The following ELOA variants were observed in gnomAD, a reference collection of about 807,000 sequenced individuals.
ELOA encodes elongin A, also known as elongin-A.
A neutral mutation model predicts 85.2 loss-of-function variants in ELOA; 15 were observed. The observed-to-expected ratio is 0.18, with a 90% CI of 0.12 to 0.27. The LOEUF is 0.27. Among genes scored for constraint, ELOA ranks in the 10% least tolerant of loss-of-function variants. The pLI, the probability that ELOA is intolerant of heterozygous loss-of-function variation, is 1.00. For synonymous variants in ELOA, 348 were observed against 357.2 expected, an observed-to-expected ratio of 0.97 and a Z score of 0.29; for missense variants, 769 against 952.7, an observed-to-expected ratio of 0.81 and a Z score of 2.54.
intron 3 of ELOA, among the ~76,000 whole-genome samples, chr1:23,750,175 T>C (rs958918628): frequency 3.5e-4 from 43 of 121,982 alleles, no homozygotes; most frequent in Non-Finnish European, 5.4e-4. Flanking sequence ...CGTTTCTTTT[T>C]TTTTTTTTTT....
At chr1:23,756,842 G>A (rs1644796377) in intron 9 of ELOA, 111 bp from the exon 10 acceptor site, 1 of 1,157,430 alleles carries the variant, frequency 8.6e-7, no homozygotes, top group Non-Finnish European at 1.2e-6. Context: ...GGGTCCATTG[G>A]TCAAAGCCAC....
At position 23,758,574 on chromosome 1, in the gene ELOA, G is replaced by A. The variant is rs193025665; in HGVS notation, c.2258-938G>A. Among the ~76,000 whole-genome samples the A allele has an allele frequency of 1.0e-3, 149 of 147,494 alleles. 2 individuals are homozygous for A. The highest frequency in any genetic ancestry group is 3.6e-3 in the African/African-American group (145 of 39,794). On this transcript the variant is annotated intron_variant, in intron 10 of 10. Transcript: ENST00000613537. The stretch of plus-strand genomic sequence containing the variant: ...CAGCGTGAACCACCATGCCTGGCCG[G>A]GTCTTCCAAATATTTATTCTTTATA...
At position 23,760,087 on chromosome 1, in the gene ELOA, G is replaced by C. The variant is rs139707527; in HGVS notation, c.*514G>C. The stretch of plus-strand genomic sequence containing the variant: ...CTCCAGAGCCTGCACAGTACCTGCT[G>C]CACGTAGGGCAAGGAATGAGCACTA... On this transcript the variant is annotated 3_prime_UTR_variant, in exon 11 of 11. Coordinates refer to ENST00000613537, the MANE Select transcript of ELOA (RefSeq NM_003198.3). 0.013 allele frequency: 2,088 copies of C among 155,490 alleles called. 49 individuals carry two copies. The highest frequency in any genetic ancestry group is 0.047 in the African/African-American group (1,974 of 41,566). The allele number at this position is 155,490 out of a possible 1,614,324, so 9.6% of individuals were successfully genotyped here.
rs994087843 is a variant in ELOA at position 23,759,573 on chromosome 1, A to G, written c.2319A>G (p.Ter773=). The change falls in exon 11 of 11, where the codon TAA becomes TAG. Residue 773 remains the stop codon, a stop_retained_variant. Transcript: ENST00000613537. Reference sequence around the variant, plus strand: ...TCAAGAACAGATTCTCCCGACGATAAACTGAGGACTTGCCTTGGAAATGGA... The same window carrying G: ...TCAAGAACAGATTCTCCCGACGATAGACTGAGGACTTGCCTTGGAAATGGA... ...KAFKNRFSRR[*] 15 of 1,614,062 alleles carry G rather than the reference A, an allele frequency of 9.3e-6. No individual in the cohort carries two copies. Among genetic ancestry groups the G allele is most frequent in the Non-Finnish European group, 1.3e-5 (15 of 1,180,026 alleles).
chr1:23,744,544 C>T (rs1398420745), intron 1 of ELOA, among the ~76,000 whole-genome samples: 1 of 151,548 alleles, frequency 6.6e-6, no homozygotes, highest in Non-Finnish European at 1.5e-5. Context: ...ACCTCCGTCT[C>T]CCGGGTTCAG....
At position 23,743,513 on chromosome 1, in the gene ELOA, G is replaced by C; in HGVS notation, c.10G>C (p.Glu4Gln). The change falls in exon 1 of 11, where the codon GAG (glutamate) becomes CAG (glutamine). Residue 4 changes from glutamate to glutamine, a missense_variant. Physicochemically the swap from Glu to Gln is conservative, Grantham distance 29. Transcript: ENST00000613537. ...CGCGCCAGTGACAGCGATGGCGGCG[G>C]AGTCGGCGCTCCAAGTTGTGGAGAA... MAA[E>Q]SALQVVEKLQ... 1 of 1,504,946 alleles carries C rather than the reference G, an allele frequency of 6.6e-7. No homozygotes were observed. The highest frequency in any genetic ancestry group is 8.8e-7 in the Non-Finnish European group (1 of 1,132,198). 93.2% of individuals were successfully genotyped at this position (1,504,946 alleles called of 1,614,324 possible).
intron 1 of ELOA, among the ~76,000 whole-genome samples, chr1:23,745,473 A>G (rs1015944884): frequency 4.6e-5 from 7 of 152,240 alleles, no homozygotes; most frequent in Admixed American, 1.3e-4. Flanking sequence ...AAAATTAGGA[A>G]AAGGCTTATT....
Position 23,743,557 on chromosome 1 carries a change from C to T in ELOA, c.54C>T (p.Ala18=). 2 of 1,495,798 alleles carry T rather than the reference C, an allele frequency of 1.3e-6. No homozygotes were observed. Among genetic ancestry groups the T allele is most frequent in the South Asian group, 2.5e-5 (2 of 80,174 alleles). The allele number at this position is 1,495,798 out of a possible 1,614,324, so 92.7% of individuals were successfully genotyped here. A position where few individuals can be genotyped will look rare whatever the true frequency, so the allele number is the denominator to read the frequency against. Residue 18 remains alanine, a synonymous_variant, in exon 1 of 11, where the codon GCC becomes GCT. Coordinates refer to ENST00000613537, the MANE Select transcript of ELOA (RefSeq NM_003198.3). ...TGGAGAAGCTGCAGGCGCGCCTGGC[C>T]GCGAACCCGGACCCTAAGAAGGTAA... ...QVVEKLQARL[A]ANPDPKKLLK... is the part of the protein sequence containing the mutation.
At position 23,743,518 on chromosome 1, in the gene ELOA, G is replaced by A. The variant is rs1020081769; in HGVS notation, c.15G>A (p.Ser5=). 2.7e-6 allele frequency: 4 copies of A among 1,503,254 alleles called. No homozygotes were observed. The highest frequency in any genetic ancestry group is 2.7e-6 in the Non-Finnish European group (3 of 1,131,366). The allele number at this position is 1,503,254 out of a possible 1,614,324, so 93.1% of individuals were successfully genotyped here. Reference sequence around the variant, plus strand: ...CAGTGACAGCGATGGCGGCGGAGTCGGCGCTCCAAGTTGTGGAGAAGCTGC... The same window carrying A: ...CAGTGACAGCGATGGCGGCGGAGTCAGCGCTCCAAGTTGTGGAGAAGCTGC... MAAE[S]ALQVVEKLQA... is the part of the protein sequence containing the mutation. Residue 5 remains serine, a synonymous_variant, in exon 1 of 11, where the codon TCG becomes TCA. Coordinates refer to ENST00000613537, the MANE Select transcript of ELOA (RefSeq NM_003198.3).
intron 1 of ELOA, among the ~76,000 whole-genome samples, chr1:23,744,782 G>C (rs1644739325): frequency 6.6e-6 from 1 of 152,300 alleles, no homozygotes; most frequent in East Asian, 1.9e-4. Flanking sequence ...CTAGGAGTTG[G>C]AACTCAGTCC....
chr1:23,760,646 A>G lies in ELOA; in HGVS notation c.*1073A>G, dbSNP rs1345469404. On this transcript the variant is annotated 3_prime_UTR_variant, in exon 11 of 11. Transcript: ENST00000613537. ...TGCCTTTTATTGAAAAGGTAAGATC[A>G]TGTGATTGGAAGAACACAACTGTTG... The G allele has an allele frequency of 6.6e-6, 1 of 152,230 alleles. No homozygotes were observed. Among genetic ancestry groups the G allele is most frequent in the Non-Finnish European group, 1.5e-5 (1 of 68,068 alleles). The allele number at this position is 152,230 out of a possible 1,614,324, so 9.4% of individuals were successfully genotyped here.
chr1:23,758,192 G>T (rs1179331763), intron 10 of ELOA, among the ~76,000 whole-genome samples: 2 of 137,530 alleles, frequency 1.5e-5, no homozygotes, highest in Non-Finnish European at 3.1e-5. Flanking sequence ...TTTTTTTATA[G>T]TCTTATAACT....
At chr1:23,747,062 A>G (rs1489138540) in intron 1 of ELOA, among the ~76,000 whole-genome samples, 2 of 152,296 alleles carry the variant, frequency 1.3e-5, no homozygotes, top group African/African-American at 2.4e-5. Flanking sequence ...TTGTTCTTCC[A>G]GTTAGTGCTA....
intron 3 of ELOA, among the ~76,000 whole-genome samples, chr1:23,750,358 G>A (rs945831964): frequency 1.3e-5 from 2 of 151,922 alleles, no homozygotes; most frequent in South Asian, 2.1e-4. Flanking sequence ...TGTATTTTTA[G>A]TAGAGACAGG....
At position 23,752,536 on chromosome 1, in the gene ELOA, C is replaced by A; in HGVS notation, c.1537+18C>A. Reference sequence around the variant, plus strand: ...GCGAAAAGGTAATTTTCTATATCTTCTTTTTCTTAATGGGAAAAAGATTTA... The same window carrying A: ...GCGAAAAGGTAATTTTCTATATCTTATTTTTCTTAATGGGAAAAAGATTTA... On this transcript the variant is annotated intron_variant, in intron 5 of 10. Coordinates refer to ENST00000613537, the MANE Select transcript of ELOA (RefSeq NM_003198.3). The A allele has an allele frequency of 6.2e-7, 1 of 1,605,918 alleles. No homozygotes were observed. Among genetic ancestry groups the A allele is most frequent in the Non-Finnish European group, 8.5e-7 (1 of 1,174,928 alleles).
rs1644757904 is a variant in ELOA, at chr1:23,748,966, G to C, written c.76-55G>C. The C allele has an allele frequency of 5.6e-6, 8 of 1,438,236 alleles. No individual in the cohort carries two copies. In the South Asian group the frequency reaches 9.2e-5, roughly 16 times the overall value. 89.1% of individuals were successfully genotyped at this position (1,438,236 alleles called of 1,614,324 possible). The stretch of plus-strand genomic sequence containing the variant: ...GTTAGCACTAAGCACTTAATAATCA[G>C]ATATTCTTGTTAAAGTGAATTTGAC... On this transcript the variant is annotated intron_variant, in intron 1 of 10. Transcript: ENST00000613537.
At chr1:23,756,608 ATGG>A (rs1290036171) in intron 9 of ELOA, among the ~76,000 whole-genome samples, 6 of 152,188 alleles carry the variant, frequency 3.9e-5, no homozygotes, top group African/African-American at 1.2e-4. Context: ...TCAAGATTAA[ATGG>A]AGAGCAAAGC....
chr1:23,761,707 GCAGACACAGGATGAATTTGAAC>G lies in ELOA; in HGVS notation c.*2136_*2157del. ...CCCAGCTTACTAAAATGGCTGCAGAGCAGACACAGGATGAATTTGAACCTGACACAGGATGAATTTGAACCTT... is the reference window on the plus strand; with the variant it reads ...CCCAGCTTACTAAAATGGCTGCAGAGCTGACACAGGATGAATTTGAACCTT... On this transcript the variant is annotated 3_prime_UTR_variant, in exon 11 of 11. Coordinates refer to ENST00000613537, the MANE Select transcript of ELOA (RefSeq NM_003198.3). The G allele has an allele frequency of 6.6e-6, 1 of 152,162 alleles. No homozygotes were observed. The highest frequency in any genetic ancestry group is 2.4e-5 in the African/African-American group (1 of 41,434). 9.4% of individuals were successfully genotyped at this position (152,162 alleles called of 1,614,324 possible).
At chr1:23,750,757 C>T (rs1644766141) in intron 3 of ELOA, 88 bp from the exon 4 acceptor site, 2 of 1,268,750 alleles carry the variant, frequency 1.6e-6, no homozygotes, top group Non-Finnish European at 2.1e-6. Context: ...TCTGCATCTT[C>T]ACTTCTTTGG....
Sources: gnomAD v4.1 joint callset for allele counts (sites outside exome capture counted in the v4.1 genomes callset) on GRCh38, gnomAD v4.1.1 for gene constraint, MANE v1.5 for transcripts, NCBI Gene and HGNC (gene_info 2026-07-23, HGNC 2026-07-21) for gene names.